The following CCDC3 variants were observed in gnomAD, a reference collection of about 807,000 sequenced individuals.
CCDC3 encodes the protein coiled-coil domain containing 3.
A neutral mutation model predicts 21.4 loss-of-function variants in CCDC3; 24 were observed. The ratio of observed to expected loss-of-function variants is 1.12; its 90% confidence interval spans 0.81 to 1.58. The LOEUF (loss-of-function observed/expected upper bound fraction) is 1.58. Among genes scored for constraint, CCDC3 ranks in the 40% most tolerant of loss-of-function variants. The pLI is 0.00. For synonymous variants in CCDC3, 186 were observed against 166.0 expected, an observed-to-expected ratio of 1.12 and a Z score of -0.93; for missense variants, 425 against 360.9, an observed-to-expected ratio of 1.18 and a Z score of -1.44.
intron 2 of CCDC3, among the ~76,000 whole-genome samples, chr10:12,963,444 T>G (rs1835209684): frequency 6.6e-6 from 1 of 152,212 alleles, no homozygotes; most frequent in Non-Finnish European, 1.5e-5. Flanking sequence ...TTCAACACTT[T>G]CTAAAGAGTT....
chr10:13,007,288 TTCC>T (rs1473692303), intron 5 of CCDC3, among the ~76,000 whole-genome samples: 1 of 152,190 alleles, frequency 6.6e-6, no homozygotes, highest in African/African-American at 2.4e-5. Flanking sequence ...AGCCTTTGGA[TTCC>T]CTCCTTTACA....
intron 2 of CCDC3, among the ~76,000 whole-genome samples, chr10:12,981,178 T>C (rs1050053690): frequency 1.9e-4 from 7 of 37,664 alleles, no homozygotes; most frequent in South Asian, 1.7e-3. Flanking sequence ...TGGCCCAGGA[T>C]TTTTTTTTTT....
chr10:13,097,022 C>T (rs747292133), intron 3 of CCDC3, among the ~76,000 whole-genome samples: 7 of 152,158 alleles, frequency 4.6e-5, no homozygotes, highest in Non-Finnish European at 1.0e-4. Flanking sequence ...GTCCAGCCAA[C>T]GCTCCTGAAG....
rs959295648 is a variant in CCDC3, at chr10:13,048,174, T to C, written c.-2+1500A>G. Among the ~76,000 whole-genome samples the C allele has an allele frequency of 5.3e-5, 8 of 152,234 alleles. 1 individual carries two copies. The highest frequency in any genetic ancestry group is 6.5e-5 in the Admixed American group (1 of 15,300). On this transcript the variant is annotated intron_variant, in intron 5 of 6. Coordinates refer to the CCDC3 transcript ENST00000378839. Reference sequence around the variant, plus strand: ...CTGCTTTAAGCTTAATTTTTTTTCTTTTGGCAGAGTGAATTGAGGTCCCAA... The same window carrying C: ...CTGCTTTAAGCTTAATTTTTTTTCTCTTGGCAGAGTGAATTGAGGTCCCAA...
At chr10:12,985,054 T>C (rs1309725030) in intron 2 of CCDC3, among the ~76,000 whole-genome samples, 2 of 152,200 alleles carry the variant, frequency 1.3e-5, no homozygotes, top group Non-Finnish European at 2.9e-5. Flanking sequence ...GTTTACGCTA[T>C]TCATAGCTAT....
At chr10:13,045,125 C>G (rs753832274) in intron 5 of CCDC3, among the ~76,000 whole-genome samples, 5 of 152,192 alleles carry the variant, frequency 3.3e-5, no homozygotes, top group Non-Finnish European at 5.9e-5. Context: ...TTCCATTCTA[C>G]TTTCCCTACA....
intron 2 of CCDC3, among the ~76,000 whole-genome samples, chr10:12,955,820 G>A (rs1835074880): frequency 6.6e-6 from 1 of 152,068 alleles, no homozygotes; most frequent in Non-Finnish European, 1.5e-5. Flanking sequence ...TCAGCTCACT[G>A]CAACCTCAGC....
rs139646858 is a variant in CCDC3 at position 13,029,873 on chromosome 10, C to T, written c.-2+19801G>A. On this transcript the variant is annotated intron_variant, in intron 5 of 6. Coordinates refer to the CCDC3 transcript ENST00000378839. Reference sequence around the variant, plus strand: ...ACCAAATCTAGGTCTGATTGGTATACCTGAAAGTGACGGGGAGAATGGAAC... The same window carrying T: ...ACCAAATCTAGGTCTGATTGGTATATCTGAAAGTGACGGGGAGAATGGAAC... Among the ~76,000 whole-genome samples, 686 of 152,222 alleles carry T rather than the reference C, an allele frequency of 4.5e-3. 30 individuals carry two copies. In the South Asian group the frequency reaches 0.077, roughly 17 times the overall value.
chr10:12,981,629 G>T (rs1835498353), intron 2 of CCDC3, among the ~76,000 whole-genome samples: 1 of 152,136 alleles, frequency 6.6e-6, no homozygotes, highest in African/African-American at 2.4e-5. Context: ...CTTCAACCAG[G>T]CAGGGTGAGA....
intron 2 of CCDC3, among the ~76,000 whole-genome samples, chr10:12,986,979 G>T (rs1017777491): frequency 3.9e-5 from 6 of 152,036 alleles, no homozygotes; most frequent in African/African-American, 1.2e-4. Flanking sequence ...CTCCTTGCTG[G>T]AGGGCAATCT....
intron 2 of CCDC3, among the ~76,000 whole-genome samples, chr10:12,941,960 G>C (rs1834838542): frequency 6.6e-6 from 1 of 152,186 alleles, no homozygotes; most frequent in Non-Finnish European, 1.5e-5. Context: ...TCTTACCTTT[G>C]TTGAAGGCGG....
chr10:13,039,214 G>A (rs1177548212), intron 5 of CCDC3, among the ~76,000 whole-genome samples: 1 of 152,022 alleles, frequency 6.6e-6, no homozygotes, highest in Non-Finnish European at 1.5e-5. Flanking sequence ...TCAGGGGTTC[G>A]AGACCAGCCT....
chr10:12,986,507 G>A (rs1453894273), intron 2 of CCDC3, among the ~76,000 whole-genome samples: 2 of 152,072 alleles, frequency 1.3e-5, no homozygotes, highest in South Asian at 4.1e-4. Context: ...GGGCACAGTG[G>A]TTCACGCCTG....
chr10:13,081,013 G>A (rs1038835330), intron 3 of CCDC3, among the ~76,000 whole-genome samples: 2 of 152,246 alleles, frequency 1.3e-5, no homozygotes, highest in Non-Finnish European at 2.9e-5. Flanking sequence ...AAGTAGGGAT[G>A]GGGCAGGAGG....
intron 5 of CCDC3, among the ~76,000 whole-genome samples, chr10:13,017,527 A>AAG (rs1554761884): frequency 8.1e-5 from 12 of 148,516 alleles, no homozygotes; most frequent in Middle Eastern, 3.4e-3. Flanking sequence ...AAAAAAAAAA[A>AAG]AAAAGAAAAG....
At chr10:12,984,598 A>G (rs1459697873) in intron 2 of CCDC3, among the ~76,000 whole-genome samples, 1 of 152,136 alleles carries the variant, frequency 6.6e-6, no homozygotes, top group African/African-American at 2.4e-5. Flanking sequence ...CCGTACAAAA[A>G]CCTGTTCATA....
intron 2 of CCDC3, among the ~76,000 whole-genome samples, chr10:12,920,287 C>A (rs892481249): frequency 1.3e-5 from 2 of 152,098 alleles, no homozygotes; most frequent in Non-Finnish European, 2.9e-5. Context: ...ACCAGGAGAA[C>A]AGTATGGGGG....
intron 5 of CCDC3, among the ~76,000 whole-genome samples, chr10:13,011,137 C>T (rs184223482): frequency 2.4e-3 from 358 of 149,128 alleles, no homozygotes; most frequent in South Asian, 8.9e-3. Flanking sequence ...GTTGAGATGG[C>T]GCCACTGCAT....
intron 5 of CCDC3, among the ~76,000 whole-genome samples, chr10:13,014,809 G>T (rs1836031261): frequency 1.3e-5 from 2 of 152,030 alleles, no homozygotes; most frequent in Admixed American, 1.3e-4. Flanking sequence ...TTTGAAAGAG[G>T]ATTGGCATAA....
Sources: gnomAD v4.1 joint callset for allele counts (sites outside exome capture counted in the v4.1 genomes callset) on GRCh38, gnomAD v4.1.1 for gene constraint, MANE v1.5 for transcripts, NCBI Gene and HGNC (gene_info 2026-07-23, HGNC 2026-07-21) for gene names.